Variants in ZNF214 observed in about 807,000 individuals in gnomAD.
ZNF214 encodes BWSCR2-associated zinc finger protein 1.
In ZNF214, 43 loss-of-function variants were observed where a neutral mutation model predicts 53.9. The observed-to-expected ratio is 0.80, with a 90% CI of 0.63 to 1.03. The LOEUF (loss-of-function observed/expected upper bound fraction) is 1.03, where lower values mean the gene tolerates loss of function less well. Among genes scored for constraint, ZNF214 ranks in the 50% least tolerant of loss-of-function variants. ZNF214 has a pLI of 0.00. For missense variants in ZNF214, 724 were observed against 719.1 expected (o/e 1.01, Z -0.08); for synonymous variants, 217 against 229.5 (o/e 0.95, Z 0.49).
intron 1 of ZNF214, among the ~76,000 whole-genome samples, chr11:7,017,142 G>GAA: frequency 6.6e-6 from 1 of 152,186 alleles, no homozygotes; most frequent in Non-Finnish European, 1.5e-5. Context: ...AAGAGTCAAC[G>GAA]AATATATGTG....
At chr11:7,018,512 T>G (rs1279298549) in intron 1 of ZNF214, among the ~76,000 whole-genome samples, 4 of 143,288 alleles carry the variant, frequency 2.8e-5, no homozygotes, top group South Asian at 2.3e-4. Flanking sequence ...TTTTTTTTTT[T>G]TTTTTTTGAG....
intron 1 of ZNF214, 61 bp from the exon 2 acceptor site, chr11:7,002,916 T>C: frequency 1.4e-6 from 2 of 1,451,242 alleles, no homozygotes; most frequent in South Asian, 1.6e-5. Flanking sequence ...GCAGATAAGA[T>C]ATGTGGCAAG....
intron 1 of ZNF214, among the ~76,000 whole-genome samples, chr11:7,017,619 G>C (rs1006283157): frequency 7.2e-5 from 11 of 151,918 alleles, no homozygotes; most frequent in African/African-American, 2.7e-4. Flanking sequence ...TGCACCTGTA[G>C]TCCCAGCTAT....
In ZNF214 at chr11:7,000,045, C is replaced by A. The variant is rs200575509; in HGVS notation, c.1638G>T (p.Arg546Ser). Residue 546 changes from arginine (R) to serine (S), a missense_variant, in exon 3 of 3, where the codon AGG becomes AGT. Arg to Ser is a moderately radical substitution (Grantham distance 110). Transcript: ENST00000278314. The stretch of plus-strand genomic sequence containing the variant: ...GATAAGGCTTCTCTCCTGTATGGAC[C>A]CTCTGATGAATGTGAAGATTAGAAC... ...SHSSNLHIHQ[R>S]VHTGEKPYQC... 2 of 1,612,334 alleles carry A rather than the reference C, an allele frequency of 1.2e-6. No homozygotes were observed. Among genetic ancestry groups the A allele is most frequent in the East Asian group, 2.2e-5 (1 of 44,736 alleles).
At chr11:7,012,100 A>C (rs1851618652) in intron 1 of ZNF214, among the ~76,000 whole-genome samples, 2 of 152,178 alleles carry the variant, frequency 1.3e-5, no homozygotes, top group Non-Finnish European at 2.9e-5. Context: ...GTTGGTAAAG[A>C]CAAGTAAACC....
At chr11:7,018,141 A>G (rs1851819303) in intron 1 of ZNF214, among the ~76,000 whole-genome samples, 1 of 152,248 alleles carries the variant, frequency 6.6e-6, no homozygotes, top group Non-Finnish European at 1.5e-5. Context: ...AGTATTAAAT[A>G]AAAGACTACA....
intron 1 of ZNF214, among the ~76,000 whole-genome samples, chr11:7,007,339 TTAAA>T (rs1282263262): frequency 2.2e-5 from 3 of 136,104 alleles, no homozygotes; most frequent in Non-Finnish European, 3.1e-5. Context: ...TATAATAAAT[TTAAA>T]TAATTTAATA....
In ZNF214 at chr11:7,008,454, T is replaced by TA. The variant is rs532997957; in HGVS notation, c.-20-5600dup. 1.6e-3 allele frequency among the ~76,000 whole-genome samples: 241 copies of TA among 151,636 alleles called. 1 individual carries two copies. Among genetic ancestry groups the TA allele is most frequent in the African/African-American group, 5.6e-3 (232 of 41,374 alleles). On this transcript the variant is annotated intron_variant, in intron 1 of 2. Transcript: ENST00000278314. ...TCTTAAATAAATAAATAAATAAAAT[T>TA]AAAAAACCCCAGCTAGACTAACATC...
intron 1 of ZNF214, among the ~76,000 whole-genome samples, chr11:7,010,521 C>A (rs1851580181): frequency 6.6e-6 from 1 of 151,260 alleles, no homozygotes; most frequent in Non-Finnish European, 1.5e-5. Flanking sequence ...ACTCATGACT[C>A]ACAATTTATA....
chr11:7,002,685 C>T (rs760528896), intron 2 of ZNF214, 24 bp downstream of exon 2: 2 of 1,560,394 alleles, frequency 1.3e-6, no homozygotes, highest in South Asian at 1.2e-5. Context: ...AAACTCTATT[C>T]CCTATGAGAC....
rs1303389533 is a variant in ZNF214, at chr11:7,000,720, A to AT, written c.962dup (p.His321GlnfsTer12). ...ATTTCTCTTCTGTGTGGACTCTTTG[A>AT]TGATTGTGAAGACTAGAGATCTGGC... On this transcript the variant is annotated frameshift_variant, in exon 3 of 3. Transcript: ENST00000278314. LOFTEE classifies it high-confidence loss of function. 6.2e-7 allele frequency: 1 copy of AT among 1,610,168 alleles called. No individual in the cohort carries two copies.
At position 7,001,444 on chromosome 11, in the gene ZNF214, T is replaced by A. The variant is rs759322203; in HGVS notation, c.239A>T (p.Asn80Ile). Residue 80 changes from asparagine to isoleucine, a missense_variant, in exon 3 of 3, where the codon AAT becomes ATT. By Grantham distance (149) the Asn-to-Ile change is moderately radical. Transcript: ENST00000278314. ...TTGAACAGTTTCCCCATAGTTCTGATTCTCATACATCTGGGCGCCAGCATT... is the reference window on the plus strand; with the variant it reads ...TTGAACAGTTTCCCCATAGTTCTGAATCTCATACATCTGGGCGCCAGCATT... ...WWNAGAQMYE[N>I]QNYGETVQGT... The A allele has an allele frequency of 4.3e-6, 7 of 1,613,216 alleles. No individual in the cohort carries two copies. In the Admixed American group the frequency reaches 1.2e-4, roughly 27 times the overall value.
chr11:7,007,416 TAA>T (rs1459165507), intron 1 of ZNF214, among the ~76,000 whole-genome samples: 1 of 150,648 alleles, frequency 6.6e-6, no homozygotes, highest in African/African-American at 2.4e-5. Context: ...ACAGATACAC[TAA>T]AAAGAAAAAT....
chr11:7,001,565 T>TA lies in ZNF214; in HGVS notation c.128-11dup. ...CTCTCATTCCAGTTTTCTAGAAAAA[T>TA]AAAAAGATAATCCCATGGTGAGATA... On this transcript the variant is annotated splice_polypyrimidine_tract_variant and intron_variant, in intron 2 of 2. Coordinates refer to ENST00000278314, the MANE Select transcript of ZNF214 (RefSeq NM_013249.4). The TA allele has an allele frequency of 1.9e-6, 3 of 1,579,732 alleles. No homozygotes were observed. The highest frequency in any genetic ancestry group is 2.6e-6 in the Non-Finnish European group (3 of 1,166,084).
At chr11:7,017,396 A>G (rs1851794247) in intron 1 of ZNF214, among the ~76,000 whole-genome samples, 1 of 152,166 alleles carries the variant, frequency 6.6e-6, no homozygotes. Flanking sequence ...AAAGACATAT[A>G]CTTAACAAAT....
intron 1 of ZNF214, among the ~76,000 whole-genome samples, chr11:7,003,721 A>G (rs1451735980): frequency 1.3e-5 from 2 of 151,994 alleles, no homozygotes; most frequent in Non-Finnish European, 2.9e-5. Context: ...GGCAAAGGAA[A>G]GATGTACTGA....
Position 7,000,473 on chromosome 11 carries a change from G to T in ZNF214, c.1210C>A (p.His404Asn), listed in dbSNP as rs1264046819. 1.9e-5 allele frequency: 30 copies of T among 1,613,212 alleles called. No homozygotes were observed. The highest frequency in any genetic ancestry group is 2.5e-5 in the Non-Finnish European group (29 of 1,179,514). ...TTCTCTCCTGTGTGTACTAACTGAT[G>T]AATTCGAAGATTTGAGCTCTGGCTG... Reference protein sequence around the residue: ...GFSQSSNLRIHQLVHTGEKSY... With the variant: ...GFSQSSNLRINQLVHTGEKSY... Residue 404 changes from histidine to asparagine, a missense_variant, in exon 3 of 3, where the codon CAT becomes AAT. Coordinates refer to ENST00000278314, the MANE Select transcript of ZNF214 (RefSeq NM_013249.4).
rs1046350419 is a variant in ZNF214, at chr11:6,998,813, C to T, written c.*1049G>A. 6.6e-6 allele frequency among the ~76,000 whole-genome samples: 1 copy of T among 152,058 alleles called. No individual in the cohort carries two copies. On this transcript the variant is annotated 3_prime_UTR_variant, in exon 3 of 3. Transcript: ENST00000278314. ...TATTCTTTTCTTCAGTATTGCAATT[C>T]CCTCTAATTTTCCTAAACATGTCCA...
rs1244959734 is a variant in ZNF214 at position 7,001,228 on chromosome 11, C to T, written c.455G>A (p.Arg152Lys). ...ATGTGAACCACTCATGTAGATTTCT[C>T]TACCATAGTCTTGAGTGGTTTTTGT... is the stretch of plus-strand genomic sequence containing the variant. ...LETKTTQDYG[R>K]EIYMSGSHGF... Residue 152 changes from arginine (R) to lysine (K), a missense_variant, in exon 3 of 3, where the codon AGA becomes AAA. Physicochemically the swap from Arg to Lys is conservative, Grantham distance 26. Transcript: ENST00000278314. The T allele has an allele frequency of 1.2e-6, 2 of 1,613,238 alleles. No homozygotes were observed. The highest frequency in any genetic ancestry group is 4.5e-5 in the East Asian group (2 of 44,856).
Sources: gnomAD v4.1 joint callset for allele counts (sites outside exome capture counted in the v4.1 genomes callset) on GRCh38, gnomAD v4.1.1 for gene constraint, MANE v1.5 for transcripts, NCBI Gene and HGNC (gene_info 2026-07-23, HGNC 2026-07-21) for gene names.